LRRTM4: variants seen among roughly 807,000 people sequenced by gnomAD.
The protein encoded by LRRTM4 is leucine rich repeat transmembrane neuronal 4.
A neutral mutation model predicts 47.6 loss-of-function variants in LRRTM4; 25 were observed. That is an observed-to-expected ratio of 0.53 (90% CI 0.38 to 0.73). The LOEUF (loss-of-function observed/expected upper bound fraction) is 0.73, where lower values mean the gene tolerates loss of function less well. Among genes scored for constraint, LRRTM4 ranks in the 30% least tolerant of loss-of-function variants. The pLI, the probability that LRRTM4 is intolerant of heterozygous loss-of-function variation, is 0.00. For synonymous variants in LRRTM4, 311 were observed against 269.5 expected, an observed-to-expected ratio of 1.15 and a Z score of -1.51; for missense variants, 638 against 713.4, an observed-to-expected ratio of 0.89 and a Z score of 1.20.
intron 3 of LRRTM4, among the ~76,000 whole-genome samples, chr2:76,832,097 T>C (rs1196180409): frequency 6.6e-6 from 1 of 152,138 alleles, no homozygotes; most frequent in East Asian, 1.9e-4. Flanking sequence ...GCTCCTACTT[T>C]CTGAACATTC....
At chr2:77,023,219 G>T (rs1017458956) in intron 3 of LRRTM4, among the ~76,000 whole-genome samples, 4 of 152,180 alleles carry the variant, frequency 2.6e-5, no homozygotes, top group African/African-American at 7.2e-5. Flanking sequence ...TGAGATGCAG[G>T]GCACCATGTC....
At chr2:77,214,132 A>G (rs949228133) in intron 3 of LRRTM4, among the ~76,000 whole-genome samples, 1 of 152,164 alleles carries the variant, frequency 6.6e-6, no homozygotes, top group Non-Finnish European at 1.5e-5. Flanking sequence ...TTTTGCCTTT[A>G]CTTGAGAGTA....
In LRRTM4 at chr2:77,149,543, C is replaced by G. The variant is rs551999876; in HGVS notation, c.1551+368775G>C. Among the ~76,000 whole-genome samples, 25 of 152,254 alleles carry G rather than the reference C, an allele frequency of 1.6e-4. 1 individual carries two copies. The Middle Eastern group carries it at 0.01, about 62-fold the overall frequency. Reference sequence around the variant, plus strand: ...TCCTATTGTGGATGCTAAAACAATACTTGCTAATGTATGTGATCTGTGAAA... The same window carrying G: ...TCCTATTGTGGATGCTAAAACAATAGTTGCTAATGTATGTGATCTGTGAAA... On this transcript the variant is annotated intron_variant, in intron 3 of 3. Coordinates refer to ENST00000409884, the MANE Select transcript of LRRTM4 (RefSeq NM_001134745.3).
intron 3 of LRRTM4, among the ~76,000 whole-genome samples, chr2:77,008,843 A>G (rs1677757639): frequency 6.6e-6 from 1 of 151,550 alleles, no homozygotes; most frequent in Non-Finnish European, 1.5e-5. Flanking sequence ...TTTTCCTTGT[A>G]GGATTCACTG....
intron 3 of LRRTM4, among the ~76,000 whole-genome samples, chr2:76,957,157 T>G (rs1282309562): frequency 6.6e-6 from 1 of 151,636 alleles, no homozygotes; most frequent in Non-Finnish European, 1.5e-5. Flanking sequence ...AATATACCAG[T>G]GATAGAAGGA....
rs72911858 is a variant in LRRTM4 at position 77,135,551 on chromosome 2, G to A, written c.1551+382767C>T. Among the ~76,000 whole-genome samples the A allele has an allele frequency of 3.3e-5, 5 of 152,192 alleles. No individual in the cohort carries two copies. The East Asian group carries it at 7.7e-4, about 24-fold the overall frequency. On this transcript the variant is annotated intron_variant, in intron 3 of 3. Transcript: ENST00000409884. ...CAATAAAATATAGGAGGATTTGATC[G>A]AGAAAGTAAATGCAATATTTACTTA...
intron 3 of LRRTM4, among the ~76,000 whole-genome samples, chr2:76,772,232 G>A (rs1053229647): frequency 1.3e-5 from 2 of 152,050 alleles, no homozygotes; most frequent in African/African-American, 2.4e-5. Flanking sequence ...TTGAGAAGAC[G>A]GCCATCTATG....
chr2:77,500,204 CT>C (rs1242301036), intron 3 of LRRTM4, among the ~76,000 whole-genome samples: 2 of 151,710 alleles, frequency 1.3e-5, no homozygotes, highest in African/African-American at 4.8e-5. Context: ...GCTTTTCCTC[CT>C]CAGAATTATT....
intron 3 of LRRTM4, among the ~76,000 whole-genome samples, chr2:76,928,468 C>T (rs367789092): frequency 1.5e-4 from 23 of 152,098 alleles, no homozygotes; most frequent in African/African-American, 3.4e-4. Context: ...CCACTATCCA[C>T]GGAGGAGCTT....
chr2:76,912,973 C>A (rs1674122346), intron 3 of LRRTM4, among the ~76,000 whole-genome samples: 1 of 152,138 alleles, frequency 6.6e-6, no homozygotes, highest in South Asian at 2.1e-4. Context: ...CATAAATTAC[C>A]CAGTCCCAAG....
chr2:76,851,504 T>C (rs1160312758), intron 3 of LRRTM4, among the ~76,000 whole-genome samples: 1 of 152,144 alleles, frequency 6.6e-6, no homozygotes, highest in African/African-American at 2.4e-5. Context: ...TGGCTTGTCC[T>C]TACCGTTGCT....
At chr2:76,956,552 C>T (rs1444657938) in intron 3 of LRRTM4, among the ~76,000 whole-genome samples, 3 of 150,422 alleles carry the variant, frequency 2.0e-5, no homozygotes, top group African/African-American at 7.3e-5. Flanking sequence ...CCTCAAAGAA[C>T]TAGAAAAATA....
At chr2:76,849,155 A>AGTTG (rs1671920096) in intron 3 of LRRTM4, among the ~76,000 whole-genome samples, 1 of 152,094 alleles carries the variant, frequency 6.6e-6, no homozygotes, top group Non-Finnish European at 1.5e-5. Flanking sequence ...AATAGCTGAT[A>AGTTG]GTTGCTGTGC....
intron 3 of LRRTM4, among the ~76,000 whole-genome samples, chr2:77,113,885 A>G (rs1479949044): frequency 1.3e-5 from 2 of 152,116 alleles, no homozygotes; most frequent in African/African-American, 4.8e-5. Context: ...AGAGGGAAGA[A>G]TTAGCATATA....
chr2:77,111,609 G>A (rs188875253), intron 3 of LRRTM4, among the ~76,000 whole-genome samples: 1 of 152,146 alleles, frequency 6.6e-6, no homozygotes, highest in Non-Finnish European at 1.5e-5. Flanking sequence ...CATCCTACTT[G>A]GTCCTTAAGA....
Position 77,437,479 on chromosome 2 carries a change from C to T in LRRTM4, c.1551+80839G>A, listed in dbSNP as rs191246990. 2.0e-5 allele frequency among the ~76,000 whole-genome samples: 3 copies of T among 151,968 alleles called. No individual in the cohort carries two copies. The East Asian group carries it at 5.8e-4, about 29-fold the overall frequency. ...TTGAAATGAAATATATTAAAAATAACCAAGTTACTTTGAGGAAATTGGGCA... is the reference window on the plus strand; with the variant it reads ...TTGAAATGAAATATATTAAAAATAATCAAGTTACTTTGAGGAAATTGGGCA... On this transcript the variant is annotated intron_variant, in intron 3 of 3. Coordinates refer to ENST00000409884, the MANE Select transcript of LRRTM4 (RefSeq NM_001134745.3).
chr2:77,110,717 A>G (rs143332998), intron 3 of LRRTM4, among the ~76,000 whole-genome samples: 2 of 152,192 alleles, frequency 1.3e-5, no homozygotes, highest in Non-Finnish European at 2.9e-5. Context: ...TACTATAAAA[A>G]TACATCTGTA....
intron 3 of LRRTM4, among the ~76,000 whole-genome samples, chr2:77,027,517 T>C (rs1678496652): frequency 6.6e-6 from 1 of 152,116 alleles, no homozygotes; most frequent in Non-Finnish European, 1.5e-5. Flanking sequence ...TCAAGGGTCT[T>C]ATGGTGGAAA....
At chr2:77,513,384 GT>G (rs1679092114) in intron 3 of LRRTM4, among the ~76,000 whole-genome samples, 1 of 152,028 alleles carries the variant, frequency 6.6e-6, no homozygotes, top group Non-Finnish European at 1.5e-5. Flanking sequence ...GAATTGCTTT[GT>G]GTTGGGAAAC....
Sources: allele counts gnomAD v4.1 joint callset (sites outside exome capture counted in the v4.1 genomes callset), GRCh38; gene constraint gnomAD v4.1.1; transcripts MANE v1.5; gene names NCBI Gene and HGNC (gene_info 2026-07-23, HGNC 2026-07-21).